Variants in GALNT14 observed in about 807,000 individuals in gnomAD.
GALNT14 encodes UDP-GalNAc:polypeptide N-acetylgalactosaminyltransferase 14.
In GALNT14, 60 loss-of-function variants were observed where a neutral mutation model predicts 77.5. That is an observed-to-expected ratio of 0.77 (90% CI 0.63 to 0.96). The LOEUF is 0.96. Among genes scored for constraint, GALNT14 ranks in the 40% least tolerant of loss-of-function variants. The probability of loss-of-function intolerance (pLI) is 0.00; values close to 1 mark genes in which losing one functional copy is unlikely to be tolerated. For synonymous variants in GALNT14, 280 were observed against 281.7 expected, an observed-to-expected ratio of 0.99 and a Z score of 0.06; for missense variants, 710 against 731.0, an observed-to-expected ratio of 0.97 and a Z score of 0.33.
intron 13 of GALNT14, among the ~76,000 whole-genome samples, chr2:30,913,238 G>T (rs541188146): frequency 6.6e-6 from 1 of 152,108 alleles, no homozygotes; most frequent in African/African-American, 2.4e-5. Flanking sequence ...TTTACCCTTT[G>T]CCTCCGTCTG....
At chr2:31,009,832 A>G (rs1028228703) in intron 1 of GALNT14, among the ~76,000 whole-genome samples, 1 of 151,754 alleles carries the variant, frequency 6.6e-6, no homozygotes, top group Non-Finnish European at 1.5e-5. Flanking sequence ...CACACAACTA[A>G]CCCATCCCCA....
chr2:30,945,682 G>T, intron 7 of GALNT14, 101 bp downstream of exon 7: 1 of 954,724 alleles, frequency 1.0e-6, no homozygotes, highest in Non-Finnish European at 1.7e-6. Context: ...GAGCTTTCTC[G>T]ACAAGCAACT....
intron 1 of GALNT14, among the ~76,000 whole-genome samples, chr2:31,044,440 T>A (rs898927224): frequency 6.6e-6 from 1 of 152,212 alleles, no homozygotes. Flanking sequence ...CATTGATTTA[T>A]TAAGTGTCCT....
At chr2:31,042,517 C>G (rs904484960) in intron 1 of GALNT14, among the ~76,000 whole-genome samples, 5 of 152,150 alleles carry the variant, frequency 3.3e-5, no homozygotes, top group Admixed American at 3.3e-4. Context: ...TCTCCCAGCT[C>G]CTCTTTCATC....
In GALNT14 at chr2:30,910,920, C is replaced by T; in HGVS notation, c.1640G>A (p.Trp547Ter). ...GGGTCCTCAAGAGCTCACCATGTCC[C>T]AGTGCTGGCTCATGAGTGAGGACTC... ...PCESSLMSQH[W>*]DMVSS Residue 547 changes from tryptophan (W) to a stop codon, truncating the protein, a stop_gained, in exon 15 of 15, where the codon TGG becomes TAG. Transcript: ENST00000349752. LOFTEE classifies it high-confidence loss of function. 1.9e-6 allele frequency: 3 copies of T among 1,613,904 alleles called. No individual in the cohort carries two copies. Among genetic ancestry groups the T allele is most frequent in the Non-Finnish European group, 2.5e-6 (3 of 1,179,972 alleles).
intron 1 of GALNT14, among the ~76,000 whole-genome samples, chr2:31,063,708 C>T (rs1427954262): frequency 1.3e-5 from 2 of 152,032 alleles, no homozygotes; most frequent in Admixed American, 6.6e-5. Context: ...AATGTTTTTC[C>T]GTTTGTTTGT....
chr2:31,046,300 C>G (rs1048189393), intron 1 of GALNT14, among the ~76,000 whole-genome samples: 4 of 150,328 alleles, frequency 2.7e-5, no homozygotes, highest in Non-Finnish European at 5.9e-5. Context: ...AATCTCTGCT[C>G]ACTGCAACCT....
intron 1 of GALNT14, among the ~76,000 whole-genome samples, chr2:31,087,857 G>A (rs2148593899): frequency 6.6e-6 from 1 of 152,288 alleles, no homozygotes. Context: ...TACAGCCTCT[G>A]GGAGGTGATA....
chr2:30,959,829 C>T lies in GALNT14; in HGVS notation c.399-1365G>A, dbSNP rs576154263. On this transcript the variant is annotated intron_variant, in intron 3 of 14. Transcript: ENST00000349752. ...ATGACTGGATCCTGCTTCTCCTGAA[C>T]ACCCCAAACCACGTGACTACTCAGA... Among the ~76,000 whole-genome samples, 44 of 152,318 alleles carry T rather than the reference C, an allele frequency of 2.9e-4. 1 individual carries two copies. In the South Asian group the frequency reaches 8.5e-3, roughly 29 times the overall value.
intron 1 of GALNT14, among the ~76,000 whole-genome samples, chr2:31,007,500 G>A (rs1670754325): frequency 1.3e-5 from 2 of 152,182 alleles, no homozygotes; most frequent in African/African-American, 4.8e-5. Context: ...CCCTTCTGCA[G>A]GTCCATCCTG....
chr2:30,980,782 A>G (rs1668943059), intron 2 of GALNT14, among the ~76,000 whole-genome samples: 1 of 152,258 alleles, frequency 6.6e-6, no homozygotes, highest in Non-Finnish European at 1.5e-5. Context: ...GTGAAGTCCT[A>G]TAGAAATACA....
chr2:30,997,104 AC>A (rs1047919740), intron 1 of GALNT14, among the ~76,000 whole-genome samples: 3 of 152,204 alleles, frequency 2.0e-5, no homozygotes, highest in African/African-American at 7.2e-5. Flanking sequence ...TAGGTGGCTG[AC>A]CCAAGGTCAT....
chr2:31,118,949 G>T (rs1340880847), intron 1 of GALNT14, among the ~76,000 whole-genome samples: 1 of 151,992 alleles, frequency 6.6e-6, no homozygotes, highest in Non-Finnish European at 1.5e-5. Flanking sequence ...ATGACAAAGT[G>T]GTCTTTTAAT....
At chr2:30,994,725 T>C (rs1308673238) in intron 1 of GALNT14, among the ~76,000 whole-genome samples, 1 of 152,122 alleles carries the variant, frequency 6.6e-6, no homozygotes, top group East Asian at 1.9e-4. Flanking sequence ...GGAAGGGCCA[T>C]AGAACTGTCT....
chr2:31,117,206 TA>T (rs1343896647), intron 1 of GALNT14, among the ~76,000 whole-genome samples: 2 of 152,116 alleles, frequency 1.3e-5, no homozygotes, highest in Non-Finnish European at 2.9e-5. Context: ...AATCCAAAAT[TA>T]AAAGTATCAA....
chr2:30,957,859 C>T (rs1470597160), intron 4 of GALNT14, among the ~76,000 whole-genome samples: 3 of 152,142 alleles, frequency 2.0e-5, no homozygotes, highest in Non-Finnish European at 4.4e-5. Context: ...GGTGAGGTGT[C>T]GGCACTACCA....
At chr2:31,082,984 C>CT (rs1676230515) in intron 1 of GALNT14, among the ~76,000 whole-genome samples, 1 of 152,076 alleles carries the variant, frequency 6.6e-6, no homozygotes. Context: ...CACCACTGCA[C>CT]TCCAGCCTGG....
At chr2:31,109,501 C>T (rs187396300) in intron 1 of GALNT14, among the ~76,000 whole-genome samples, 1 of 152,196 alleles carries the variant, frequency 6.6e-6, no homozygotes, top group African/African-American at 2.4e-5. Flanking sequence ...TGAAATGATG[C>T]TCCCTTTCCT....
At chr2:30,926,336 G>A (rs1253582652) in intron 11 of GALNT14, among the ~76,000 whole-genome samples, 2 of 152,062 alleles carry the variant, frequency 1.3e-5, no homozygotes, top group African/African-American at 4.8e-5. Flanking sequence ...TTCTGACTTG[G>A]GCAACAGGTG....
Sources: allele counts gnomAD v4.1 joint callset (sites outside exome capture counted in the v4.1 genomes callset), GRCh38; gene constraint gnomAD v4.1.1; transcripts MANE v1.5; gene names NCBI Gene and HGNC (gene_info 2026-07-23, HGNC 2026-07-21).